LEPR: variants seen among roughly 807,000 people sequenced by gnomAD.
LEPR encodes the protein leptin receptor, also known as OB receptor.
In LEPR, 56 loss-of-function variants were observed where a neutral mutation model predicts 114.7. The observed-to-expected ratio is 0.49, with a 90% CI of 0.39 to 0.61. The LOEUF (loss-of-function observed/expected upper bound fraction) is 0.61. LEPR is among the 20% of genes least tolerant of loss of function. LEPR has a pLI of 0.00. For synonymous variants in LEPR, 443 were observed against 461.4 expected (o/e 0.96, Z 0.51); for missense variants, 1,202 against 1,352.9 (o/e 0.89, Z 1.75).
chr1:65,462,366 A>G (rs769981795), intron 2 of LEPR, among the ~76,000 whole-genome samples: 11 of 152,230 alleles, frequency 7.2e-5, no homozygotes, highest in Admixed American at 3.3e-4. Flanking sequence ...TATGATGTGT[A>G]TATGTGCTAC....
intron 2 of LEPR, among the ~76,000 whole-genome samples, chr1:65,520,713 A>T (rs1287116358): frequency 6.6e-6 from 1 of 152,216 alleles, no homozygotes; most frequent in Non-Finnish European, 1.5e-5. Context: ...ACAGAGATTT[A>T]CCCACATACT....
intron 2 of LEPR, among the ~76,000 whole-genome samples, chr1:65,553,370 G>A (rs1652561618): frequency 6.6e-6 from 1 of 151,938 alleles, no homozygotes; most frequent in South Asian, 2.1e-4. Context: ...CATAGGTTTG[G>A]TCTTTTCACA....
intron 2 of LEPR, among the ~76,000 whole-genome samples, chr1:65,519,294 T>C (rs534736187): frequency 1.2e-3 from 182 of 151,766 alleles, no homozygotes; most frequent in African/African-American, 4.3e-3. Flanking sequence ...GGACTACAGG[T>C]GCACACCACC....
intron 2 of LEPR, chr1:65,435,214 A>G (rs922273401): frequency 1.0e-5 from 10 of 985,048 alleles, no homozygotes; most frequent in Admixed American, 6.2e-5. Flanking sequence ...GAACTCATAG[A>G]TTTTTCTTAC....
rs534351122 is a variant in LEPR at position 65,454,708 on chromosome 1, C to G, written c.-21+29330C>G. ...TAACCCAACCTTTCTCTCTGGCTGCCCTTAACATTTTTTCCTTCATTTCAA... is the reference window on the plus strand; with the variant it reads ...TAACCCAACCTTTCTCTCTGGCTGCGCTTAACATTTTTTCCTTCATTTCAA... On this transcript the variant is annotated intron_variant, in intron 2 of 19. Coordinates refer to ENST00000349533, the MANE Select transcript of LEPR (RefSeq NM_002303.6). Among the ~76,000 whole-genome samples, 765 of 152,204 alleles carry G rather than the reference C, an allele frequency of 5.0e-3. 8 individuals carry two copies. Among genetic ancestry groups the G allele is most frequent in the African/African-American group, 0.018 (737 of 41,500 alleles).
At chr1:65,545,597 A>G (rs1355532195) in intron 2 of LEPR, among the ~76,000 whole-genome samples, 1 of 152,182 alleles carries the variant, frequency 6.6e-6, no homozygotes, top group East Asian at 1.9e-4. Flanking sequence ...TGGCTACATA[A>G]ATGTCTTCTT....
At chr1:65,513,007 A>C (rs933715139) in intron 2 of LEPR, among the ~76,000 whole-genome samples, 2 of 152,172 alleles carry the variant, frequency 1.3e-5, no homozygotes, top group Non-Finnish European at 2.9e-5. Context: ...TCTGGAAGGA[A>C]AAAGCTCTTC....
At chr1:65,433,339 T>C (rs1646514509) in intron 2 of LEPR, 1 of 985,338 alleles carries the variant, frequency 1.0e-6, no homozygotes, top group African/African-American at 1.7e-5. Flanking sequence ...TATAACTTTA[T>C]GCCACCCTTA....
intron 2 of LEPR, among the ~76,000 whole-genome samples, chr1:65,527,197 T>C (rs989578286): frequency 5.9e-5 from 9 of 152,356 alleles, no homozygotes; most frequent in Admixed American, 2.0e-4. Context: ...TGCTGGCTAC[T>C]TTTTAGCATA....
chr1:65,550,828 C>G (rs1652271764), intron 2 of LEPR, among the ~76,000 whole-genome samples: 1 of 152,124 alleles, frequency 6.6e-6, no homozygotes, highest in South Asian at 2.1e-4. Flanking sequence ...CACCCACTGT[C>G]CTGCACCCAC....
At chr1:65,567,594 A>C (rs1653859506) in intron 3 of LEPR, among the ~76,000 whole-genome samples, 1 of 152,168 alleles carries the variant, frequency 6.6e-6, no homozygotes, top group South Asian at 2.1e-4. Flanking sequence ...ATACCTATTT[A>C]TATTAATTTA....
At chr1:65,608,269 C>T (rs6664374) in intron 11 of LEPR, among the ~76,000 whole-genome samples, 57,223 of 148,334 alleles carry the variant, frequency 0.39, 11,670 homozygotes, top group East Asian at 0.84. Context: ...CTGGCTCTGT[C>T]GCCCAGGCTG....
At chr1:65,551,626 G>T (rs1416371693) in intron 2 of LEPR, among the ~76,000 whole-genome samples, 1 of 151,814 alleles carries the variant, frequency 6.6e-6, no homozygotes, top group African/African-American at 2.4e-5. Flanking sequence ...CTGGCTAGTG[G>T]TCTATTTTGT....
At chr1:65,478,572 T>C (rs1647183081) in intron 2 of LEPR, among the ~76,000 whole-genome samples, 1 of 152,162 alleles carries the variant, frequency 6.6e-6, no homozygotes. Context: ...TGCAGTTCAG[T>C]TAGAGTTCAG....
Position 65,621,463 on chromosome 1 carries a change from T to C in LEPR, c.2597+5T>C, listed in dbSNP as rs1003535696. 1 of 1,609,872 alleles carries C rather than the reference T, an allele frequency of 6.2e-7. No homozygotes were observed. The highest frequency in any genetic ancestry group is 1.3e-5 in the African/African-American group (1 of 74,946). On this transcript the variant is annotated splice_donor_5th_base_variant and intron_variant, in intron 18 of 19. Transcript: ENST00000349533. ...ATTATTAATATCACACCAAAGGTAT[T>C]GTACTTGAGGTTAAGAATCTTTACG...
At chr1:65,536,281 T>C (rs1001028050) in intron 2 of LEPR, among the ~76,000 whole-genome samples, 1 of 152,172 alleles carries the variant, frequency 6.6e-6, no homozygotes, top group Non-Finnish European at 1.5e-5. Flanking sequence ...TGTCACTATG[T>C]GATCTCTGCA....
chr1:65,621,553 T>C, intron 18 of LEPR, 95 bp downstream of exon 18: 2 of 1,035,690 alleles, frequency 1.9e-6, no homozygotes, highest in South Asian at 2.7e-5. Flanking sequence ...TATTAAAGTC[T>C]TCTAAGTGCT....
intron 19 of LEPR, chr1:65,629,443 A>G: frequency 5.3e-6 from 2 of 377,364 alleles, no homozygotes; most frequent in Non-Finnish European, 1.0e-5. Context: ...ATTGTGACTT[A>G]CTGAACCAAG....
chr1:65,462,941 A>G (rs1290739129), intron 2 of LEPR, among the ~76,000 whole-genome samples: 1 of 152,088 alleles, frequency 6.6e-6, no homozygotes, highest in Non-Finnish European at 1.5e-5. Flanking sequence ...CCCATTCTAT[A>G]TGTTGCCTGT....
Sources: allele counts gnomAD v4.1 joint callset (sites outside exome capture counted in the v4.1 genomes callset), GRCh38; gene constraint gnomAD v4.1.1; transcripts MANE v1.5; gene names NCBI Gene and HGNC (gene_info 2026-07-23, HGNC 2026-07-21).